The following PRKCH variants were observed in gnomAD, a reference collection of about 807,000 sequenced individuals.
PRKCH encodes the protein protein kinase C eta.
Under a neutral mutation model 82.5 loss-of-function variants are expected in PRKCH, and 28 were observed. The observed-to-expected ratio is 0.34, with a 90% CI of 0.25 to 0.47. PRKCH has a LOEUF of 0.47. Ranked by LOEUF, PRKCH falls within the 20% of genes least tolerant of loss-of-function variation. The pLI is 1.00. For synonymous variants in PRKCH, 322 were observed against 327.4 expected, an observed-to-expected ratio of 0.98 and a Z score of 0.18; for missense variants, 705 against 881.8, an observed-to-expected ratio of 0.80 and a Z score of 2.54.
At chr14:61,231,694 C>T (rs1026491490) in intron 1 of PRKCH, among the ~76,000 whole-genome samples, 3 of 152,090 alleles carry the variant, frequency 2.0e-5, no homozygotes, top group South Asian at 2.1e-4. Context: ...TTCTTATTCC[C>T]GAAACTTGGC....
intron 1 of PRKCH, among the ~76,000 whole-genome samples, chr14:61,257,396 C>T (rs963378763): frequency 8.5e-5 from 13 of 152,136 alleles, no homozygotes; most frequent in African/African-American, 3.1e-4. Flanking sequence ...TGTCTCAGTG[C>T]ACAGTGGGCA....
intron 1 of PRKCH, chr14:61,187,735 A>G (rs1158489556): frequency 6.6e-6 from 1 of 152,158 alleles, no homozygotes; most frequent in East Asian, 1.9e-4. Flanking sequence ...GAGTTTTTCG[A>G]TCCGAAAAAA....
chr14:61,228,883 A>T (rs888328241), intron 1 of PRKCH, among the ~76,000 whole-genome samples: 3 of 151,534 alleles, frequency 2.0e-5, no homozygotes, highest in African/African-American at 7.3e-5. Flanking sequence ...CCTTTAAAAA[A>T]AATTTTTTTT....
At chr14:61,330,087 A>G (rs2045763014) in intron 1 of PRKCH, among the ~76,000 whole-genome samples, 1 of 152,198 alleles carries the variant, frequency 6.6e-6, no homozygotes, top group Non-Finnish European at 1.5e-5. Context: ...ATTCTTTCGT[A>G]GGGCTTGTAA....
At chr14:61,253,662 G>T (rs1472635660) in intron 1 of PRKCH, among the ~76,000 whole-genome samples, 1 of 152,120 alleles carries the variant, frequency 6.6e-6, no homozygotes, top group African/African-American at 2.4e-5. Context: ...GAGCTTGGTG[G>T]TTCAACTCTC....
At chr14:61,512,130 T>C (rs1362977705) in intron 10 of PRKCH, among the ~76,000 whole-genome samples, 1 of 152,146 alleles carries the variant, frequency 6.6e-6, no homozygotes, top group Non-Finnish European at 1.5e-5. Flanking sequence ...CTTTCTTGTG[T>C]TCTACAAACT....
intron 6 of PRKCH, among the ~76,000 whole-genome samples, chr14:61,452,309 T>C (rs754723496): frequency 1.3e-5 from 2 of 152,094 alleles, no homozygotes; most frequent in Non-Finnish European, 2.9e-5. Context: ...CTTGATTTGG[T>C]GTTCTTTTTC....
At position 61,450,960 on chromosome 14, in the gene PRKCH, T is replaced by A; in HGVS notation, c.821T>A (p.Leu274His). 1.2e-6 allele frequency: 2 copies of A among 1,614,002 alleles called. No individual in the cohort carries two copies. Among genetic ancestry groups the A allele is most frequent in the Non-Finnish European group, 1.7e-6 (2 of 1,179,924 alleles). The change falls in exon 6 of 14, where the codon CTT (leucine) becomes CAT (histidine). Residue 274 changes from leucine (L) to histidine (H), a missense_variant. Physicochemically the swap from Leu to His is moderately conservative, Grantham distance 99. Transcript: ENST00000332981. Reference sequence around the variant, plus strand: ...CTCTGGGGAATAATGCGACAAGGACTTCAGTGTAAAAGTGAGATGCTGAGG... The same window carrying A: ...CTCTGGGGAATAATGCGACAAGGACATCAGTGTAAAAGTGAGATGCTGAGG... ...SLLWGIMRQG[L>H]QCKICKMNVH...
intron 1 of PRKCH, among the ~76,000 whole-genome samples, chr14:61,218,940 T>C (rs2044635425): frequency 6.6e-6 from 1 of 152,160 alleles, no homozygotes; most frequent in Non-Finnish European, 1.5e-5. Flanking sequence ...CGAAATACAG[T>C]CCCCTCCTGA....
chr14:61,273,558 C>T (rs918050117), intron 1 of PRKCH, among the ~76,000 whole-genome samples: 1 of 152,190 alleles, frequency 6.6e-6, no homozygotes, highest in Admixed American at 6.5e-5. Flanking sequence ...ACATTGATTA[C>T]TTTTGAGCAT....
chr14:61,448,911 G>T (rs1177003681), intron 4 of PRKCH, among the ~76,000 whole-genome samples: 1 of 152,190 alleles, frequency 6.6e-6, no homozygotes. Flanking sequence ...TCCTCTGGTG[G>T]TGGGTGCAGG....
intron 1 of PRKCH, among the ~76,000 whole-genome samples, chr14:61,204,827 G>A (rs1186063234): frequency 6.6e-6 from 1 of 151,232 alleles, no homozygotes; most frequent in Non-Finnish European, 1.5e-5. Flanking sequence ...AATTATGGAG[G>A]TTACCACCAA....
chr14:61,279,972 A>G, intron 1 of PRKCH: 2 of 871,168 alleles, frequency 2.3e-6, no homozygotes, highest in Non-Finnish European at 3.5e-6. Flanking sequence ...TGGTCCCCTC[A>G]TTCACAAAGG....
At chr14:61,354,722 C>A (rs980674430) in intron 1 of PRKCH, among the ~76,000 whole-genome samples, 1 of 152,146 alleles carries the variant, frequency 6.6e-6, no homozygotes, top group African/African-American at 2.4e-5. Flanking sequence ...GCCAATGAGG[C>A]CTTTATGTAT....
At chr14:61,338,856 A>C (rs2045892007) in intron 1 of PRKCH, among the ~76,000 whole-genome samples, 2 of 152,198 alleles carry the variant, frequency 1.3e-5, no homozygotes, top group African/African-American at 4.8e-5. Context: ...CTATAGGACC[A>C]AACTTGTATA....
chr14:61,457,684 G>A lies in PRKCH; in HGVS notation c.1278+5G>A. 2 of 1,613,704 alleles carry A rather than the reference G, an allele frequency of 1.2e-6. No homozygotes were observed. Among genetic ancestry groups the A allele is most frequent in the Non-Finnish European group, 1.7e-6 (2 of 1,179,734 alleles). The stretch of plus-strand genomic sequence containing the variant: ...TTCTGCTGCTTTCAGACCCCCGTAA[G>A]TATGAATCACATTCACTGCACCAAC... On this transcript the variant is annotated splice_donor_5th_base_variant and intron_variant, in intron 9 of 13. Coordinates refer to ENST00000332981, the MANE Select transcript of PRKCH (RefSeq NM_006255.5).
intron 1 of PRKCH, among the ~76,000 whole-genome samples, chr14:61,235,109 C>T (rs936276249): frequency 6.6e-6 from 1 of 152,166 alleles, no homozygotes; most frequent in Non-Finnish European, 1.5e-5. Context: ...GGAGGGAGTT[C>T]TTCTGATGGG....
At chr14:61,468,348 G>A (rs1325660986) in intron 9 of PRKCH, among the ~76,000 whole-genome samples, 1 of 151,898 alleles carries the variant, frequency 6.6e-6, no homozygotes, top group Non-Finnish European at 1.5e-5. Flanking sequence ...TTTTTTTTAG[G>A]TTATTAATTG....
At chr14:61,436,486 G>A (rs1883685538) in intron 2 of PRKCH, among the ~76,000 whole-genome samples, 1 of 152,152 alleles carries the variant, frequency 6.6e-6, no homozygotes, top group African/African-American at 2.4e-5. Flanking sequence ...AAAACACAGA[G>A]GATTCTGTAC....
Sources: gnomAD v4.1 joint callset for allele counts (sites outside exome capture counted in the v4.1 genomes callset) on GRCh38, gnomAD v4.1.1 for gene constraint, MANE v1.5 for transcripts, NCBI Gene and HGNC (gene_info 2026-07-23, HGNC 2026-07-21) for gene names.